Variants in MYO5A observed in about 807,000 individuals in gnomAD.
MYO5A encodes myosin VA.
Under a neutral mutation model 249.7 loss-of-function variants are expected in MYO5A, and 98 were observed. The ratio of observed to expected loss-of-function variants is 0.39; its 90% CI spans 0.33 to 0.46. The LOEUF is 0.46. MYO5A is among the 20% of genes least tolerant of loss of function. The pLI is 0.98. For synonymous variants in MYO5A, 778 were observed against 810.6 expected, an observed-to-expected ratio of 0.96 and a Z score of 0.68; for missense variants, 1,696 against 2,308.8, an observed-to-expected ratio of 0.73 and a Z score of 5.44.
At chr15:52,447,773 G>C (rs1414247587) in intron 1 of MYO5A, among the ~76,000 whole-genome samples, 1 of 152,268 alleles carries the variant, frequency 6.6e-6, no homozygotes, top group Non-Finnish European at 1.5e-5. Context: ...TTAGGAAAGA[G>C]ACTGATGGCA....
chr15:52,359,018 A>G (rs1041446482), intron 25 of MYO5A, among the ~76,000 whole-genome samples: 3 of 152,210 alleles, frequency 2.0e-5, no homozygotes, highest in Admixed American at 6.5e-5. Context: ...AGCCTCAGTT[A>G]GTATGCTGGA....
At chr15:52,471,546 G>C (rs894887277) in intron 1 of MYO5A, among the ~76,000 whole-genome samples, 1 of 150,866 alleles carries the variant, frequency 6.6e-6, no homozygotes, top group African/African-American at 2.4e-5. Flanking sequence ...TTTGAGCCCA[G>C]CAACTTGAGG....
intron 1 of MYO5A, among the ~76,000 whole-genome samples, chr15:52,465,393 A>G (rs2141428577): frequency 6.6e-6 from 1 of 152,134 alleles, no homozygotes; most frequent in Non-Finnish European, 1.5e-5. Flanking sequence ...TTTTGAAAGA[A>G]TGGTTGGTAT....
intron 1 of MYO5A, among the ~76,000 whole-genome samples, chr15:52,501,331 G>A (rs777485260): frequency 2.0e-4 from 31 of 152,000 alleles, no homozygotes; most frequent in Non-Finnish European, 4.3e-4. Context: ...CAGGTGTGGT[G>A]TCTCATGCCT....
chr15:52,496,691 A>G (rs1259970445), intron 1 of MYO5A, among the ~76,000 whole-genome samples: 1 of 152,236 alleles, frequency 6.6e-6, no homozygotes, highest in Non-Finnish European at 1.5e-5. Flanking sequence ...CAAATATCCC[A>G]TAACACCTTA....
chr15:52,508,004 CCCT>C (rs1204051027), intron 1 of MYO5A, among the ~76,000 whole-genome samples: 1 of 152,084 alleles, frequency 6.6e-6, no homozygotes, highest in Non-Finnish European at 1.5e-5. Flanking sequence ...CTCTCAACTG[CCCT>C]ATCAGGAAAG....
intron 29 of MYO5A, among the ~76,000 whole-genome samples, chr15:52,347,067 A>C (rs1274035384): frequency 6.6e-6 from 1 of 152,072 alleles, no homozygotes; most frequent in Non-Finnish European, 1.5e-5. Flanking sequence ...AAGCTTTTGA[A>C]ATAAACATCT....
rs184394800 is a variant in MYO5A, at chr15:52,489,012, T to C, written c.27+39768A>G. 9.1e-4 allele frequency among the ~76,000 whole-genome samples: 139 copies of C among 152,284 alleles called. 1 individual carries two copies. Among genetic ancestry groups the C allele is most frequent in the Admixed American group, 1.5e-3 (23 of 15,294 alleles). ...TAACTAAATTTAGAACCTTAACTTA[T>C]CTTCTACATGGCGTGTACATGCACC... On this transcript the variant is annotated intron_variant, in intron 1 of 41. Transcript: ENST00000399233.
chr15:52,399,390 T>C (rs954287531), intron 9 of MYO5A, among the ~76,000 whole-genome samples: 2 of 152,202 alleles, frequency 1.3e-5, no homozygotes, highest in African/African-American at 2.4e-5. Context: ...CTCAAACTCC[T>C]GGACTCAAGA....
At chr15:52,416,439 G>T in intron 4 of MYO5A, 138 bp from the exon 5 acceptor site, 2 of 819,640 alleles carry the variant, frequency 2.4e-6, no homozygotes, top group South Asian at 1.6e-5. Flanking sequence ...TAACACCAAG[G>T]TCTCAGGTTC....
intron 1 of MYO5A, among the ~76,000 whole-genome samples, chr15:52,442,854 C>T (rs765634272): frequency 1.3e-5 from 2 of 150,928 alleles, no homozygotes; most frequent in Non-Finnish European, 2.9e-5. Context: ...CTCCCAGGTT[C>T]GAGCGATTCT....
Position 52,330,464 on chromosome 15 carries a change from T to C in MYO5A, c.4444A>G (p.Ile1482Val). Residue 1482 changes from isoleucine (I) to valine (V), a missense_variant, in exon 35 of 42, where the codon ATT (isoleucine) becomes GTT (valine). This residue lies in a region of MYO5A where 625 missense variants were observed against 908.1 expected (regional missense o/e 0.69). Coordinates refer to ENST00000399233, the MANE Select transcript of MYO5A (RefSeq NM_001382347.1). ...QMENISPGQI[I>V]DEPIRPVNIP... ...TTGACTGGTCGGATGGGTTCATCAA[T>C]GATCTGTCCTGGGGATATGTTCTCC... is the stretch of plus-strand genomic sequence containing the variant. 3 of 1,614,142 alleles carry C rather than the reference T, an allele frequency of 1.9e-6. No homozygotes were observed. The highest frequency in any genetic ancestry group is 2.5e-6 in the Non-Finnish European group (3 of 1,179,988).
chr15:52,338,693 A>G (rs75674151), intron 32 of MYO5A, among the ~76,000 whole-genome samples: 5,591 of 152,266 alleles, frequency 0.037, 349 homozygotes, highest in African/African-American at 0.13. Flanking sequence ...GGGCTCTATT[A>G]GCTTAGAATA....
intron 1 of MYO5A, among the ~76,000 whole-genome samples, 193 bp from the exon 2 acceptor site, chr15:52,433,478 T>A (rs1047410633): frequency 6.9e-6 from 1 of 145,348 alleles, no homozygotes; most frequent in African/African-American, 2.5e-5. Context: ...TGGAGTACAG[T>A]GGCATGATCT....
At chr15:52,485,257 T>G (rs1301497230) in intron 1 of MYO5A, among the ~76,000 whole-genome samples, 2 of 123,928 alleles carry the variant, frequency 1.6e-5, no homozygotes, top group South Asian at 2.4e-4. Context: ...GAATTCACTA[T>G]GTAAAAAAAA....
intron 1 of MYO5A, among the ~76,000 whole-genome samples, chr15:52,440,400 C>T (rs1471222777): frequency 1.1e-4 from 16 of 152,006 alleles, no homozygotes; most frequent in South Asian, 6.2e-4. Flanking sequence ...CCCAAGTAGC[C>T]GAGATTACAG....
intron 1 of MYO5A, among the ~76,000 whole-genome samples, chr15:52,452,343 G>GTTTC (rs1206966499): frequency 6.6e-6 from 1 of 152,102 alleles, no homozygotes; most frequent in Admixed American, 6.5e-5. Flanking sequence ...CTCTGACTGA[G>GTTTC]TTTCTACACT....
At chr15:52,474,801 T>C (rs1288660367) in intron 1 of MYO5A, among the ~76,000 whole-genome samples, 5 of 152,230 alleles carry the variant, frequency 3.3e-5, no homozygotes, top group South Asian at 2.1e-4. Context: ...CAGTATTTTA[T>C]TGAGGATTTT....
At chr15:52,432,535 C>T (rs941969418) in intron 2 of MYO5A, among the ~76,000 whole-genome samples, 1 of 152,196 alleles carries the variant, frequency 6.6e-6, no homozygotes, top group East Asian at 1.9e-4. Context: ...GGCTGTGTGA[C>T]CTTGAGCAAA....
Sources: allele counts gnomAD v4.1 joint callset (sites outside exome capture counted in the v4.1 genomes callset), GRCh38; gene constraint gnomAD v4.1.1; regional missense constraint gnomAD v4.1.1; transcripts MANE v1.5; gene names NCBI Gene and HGNC (gene_info 2026-07-23, HGNC 2026-07-21).